UGGT2: variants seen among roughly 807,000 people sequenced by gnomAD.
UGGT2 encodes UDP-glucose:glycoprotein glucosyltransferase 2.
Under a neutral mutation model 192.1 loss-of-function variants are expected in UGGT2, and 180 were observed. That is an observed-to-expected ratio of 0.94 (90% CI 0.83 to 1.06). The LOEUF is 1.06. Ranked by LOEUF, UGGT2 falls within the 50% of genes least tolerant of loss-of-function variation. The probability of loss-of-function intolerance (pLI) is 0.00; values close to 1 mark genes in which losing one functional copy is unlikely to be tolerated. For synonymous variants in UGGT2, 580 were observed against 591.0 expected (o/e 0.98, Z 0.27); for missense variants, 1,849 against 1,795.7 (o/e 1.03, Z -0.54).
intron 22 of UGGT2, 81 bp downstream of exon 22, chr13:95,900,726 A>C: frequency 7.0e-7 from 1 of 1,423,224 alleles, no homozygotes; most frequent in Non-Finnish European, 9.4e-7. Flanking sequence ...CAGTCACATC[A>C]GGGGAATTGT....
At chr13:96,024,040 A>C (rs1360268327) in intron 2 of UGGT2, among the ~76,000 whole-genome samples, 2 of 152,184 alleles carry the variant, frequency 1.3e-5, no homozygotes, top group Non-Finnish European at 2.9e-5. Context: ...CTTACTCCAA[A>C]GTTGTGGGGT....
chr13:95,900,911 T>C lies in UGGT2; in HGVS notation c.2530A>G (p.Lys844Glu). Residue 844 changes from lysine to glutamate, a missense_variant, in exon 22 of 39, where the codon AAA (lysine) becomes GAA (glutamate). By Grantham distance (56) the Lys-to-Glu change is moderately conservative (BLOSUM62 1). Coordinates refer to ENST00000376747, the MANE Select transcript of UGGT2 (RefSeq NM_020121.4). ...EGMDKNAFEK[K>E]YNTVGVNIFR... ...ATATTCACTCCAACAGTATTATATT[T>C]TTTCTCAAAAGCATTCTTATCCATC... 6.2e-7 allele frequency: 1 copy of C among 1,600,424 alleles called. No individual in the cohort carries two copies. The highest frequency in any genetic ancestry group is 8.5e-7 in the Non-Finnish European group (1 of 1,175,204).
intron 28 of UGGT2, 32 bp from the exon 29 acceptor site, chr13:95,877,396 TA>T: frequency 6.5e-7 from 1 of 1,534,832 alleles, no homozygotes; most frequent in Non-Finnish European, 8.9e-7. Flanking sequence ...AATCATTGAG[TA>T]ATATGACTAA....
intron 20 of UGGT2, among the ~76,000 whole-genome samples, chr13:95,905,106 G>A (rs1181188027): frequency 1.3e-5 from 2 of 152,138 alleles, no homozygotes; most frequent in Non-Finnish European, 2.9e-5. Flanking sequence ...TTTGAGAAGT[G>A]TCTGTTCATG....
At chr13:95,939,127 G>A (rs915241900) in intron 16 of UGGT2, among the ~76,000 whole-genome samples, 9 of 152,188 alleles carry the variant, frequency 5.9e-5, no homozygotes, top group Admixed American at 3.9e-4. Flanking sequence ...TTATCTCCTC[G>A]ACTGTACCCT....
At chr13:95,941,452 C>T (rs894448980) in intron 15 of UGGT2, among the ~76,000 whole-genome samples, 2 of 152,104 alleles carry the variant, frequency 1.3e-5, no homozygotes, top group East Asian at 1.9e-4. Flanking sequence ...GGCAACTTTT[C>T]TCCTCCTATC....
chr13:96,005,627 A>G (rs2051949323), intron 5 of UGGT2, among the ~76,000 whole-genome samples: 1 of 152,212 alleles, frequency 6.6e-6, no homozygotes, highest in African/African-American at 2.4e-5. Flanking sequence ...TGAAGGAAGG[A>G]CGGGAATACC....
In UGGT2 at chr13:96,016,477, C is replaced by T. The variant is rs138057038; in HGVS notation, c.486-2996G>A. ...CAACTTGCATCCAGCTGCTCCAGTT[C>T]CAGCCTCGGCTCAAAGGGGCACAGG... On this transcript the variant is annotated intron_variant, in intron 4 of 38. Transcript: ENST00000376747. Among the ~76,000 whole-genome samples the T allele has an allele frequency of 1.1e-4, 16 of 152,328 alleles. No individual in the cohort carries two copies. The East Asian group carries it at 3.1e-3, about 29-fold the overall frequency.
chr13:95,824,373 C>G (rs906825796), intron 38 of UGGT2, among the ~76,000 whole-genome samples: 3 of 152,120 alleles, frequency 2.0e-5, no homozygotes, highest in African/African-American at 7.2e-5. Flanking sequence ...TCAATTATTC[C>G]CTCAAATAAG....
intron 1 of UGGT2, among the ~76,000 whole-genome samples, chr13:96,051,874 C>T (rs1315824986): frequency 6.6e-6 from 1 of 152,136 alleles, no homozygotes; most frequent in Non-Finnish European, 1.5e-5. Context: ...TTCTACACTG[C>T]TGGTGGGAAT....
At chr13:95,940,252 T>C (rs7333370) in intron 15 of UGGT2, among the ~76,000 whole-genome samples, 161 bp from the exon 16 acceptor site, 61,634 of 151,582 alleles carry the variant, frequency 0.41, 12,760 homozygotes, top group Middle Eastern at 0.46. Context: ...ATATCATCTT[T>C]TAATAAAGAT....
At chr13:95,960,560 A>G (rs906650542) in intron 12 of UGGT2, among the ~76,000 whole-genome samples, 3 of 152,228 alleles carry the variant, frequency 2.0e-5, no homozygotes, top group African/African-American at 2.4e-5. Context: ...GAGACACCAT[A>G]AAGTGACCAA....
chr13:95,900,452 TG>T, intron 22 of UGGT2, among the ~76,000 whole-genome samples: 1 of 152,172 alleles, frequency 6.6e-6, no homozygotes, highest in East Asian at 1.9e-4. Context: ...AGAAGAAAGA[TG>T]TCATAACCTA....
chr13:95,932,406 A>AC, intron 17 of UGGT2, among the ~76,000 whole-genome samples: 1 of 150,008 alleles, frequency 6.7e-6, no homozygotes, highest in African/African-American at 2.5e-5. Context: ...CTTGAATGTT[A>AC]TTGGTCTATA....
At position 95,821,926 on chromosome 13, in the gene UGGT2, T is replaced by G. The variant is rs917408203; in HGVS notation, c.4528+11001A>C. Among the ~76,000 whole-genome samples, 3 of 152,192 alleles carry G rather than the reference T, an allele frequency of 2.0e-5. No homozygotes were observed. In the East Asian group the frequency reaches 5.8e-4, roughly 29 times the overall value. On this transcript the variant is annotated intron_variant, in intron 38 of 38. Coordinates refer to ENST00000376747, the MANE Select transcript of UGGT2 (RefSeq NM_020121.4). ...CTGCTGTTCCATTGGTCTACATGCC[T>G]ATTTTTATACAAGCATCACACTGTT... is the stretch of plus-strand genomic sequence containing the variant.
chr13:95,995,935 C>A, intron 7 of UGGT2, 128 bp downstream of exon 7: 1 of 759,004 alleles, frequency 1.3e-6, no homozygotes, highest in East Asian at 2.7e-5. Flanking sequence ...TAAAAACAAT[C>A]GTATGTGTGT....
chr13:95,930,887 GGTGA>G (rs1442426896), intron 17 of UGGT2, among the ~76,000 whole-genome samples: 2 of 152,180 alleles, frequency 1.3e-5, no homozygotes, highest in Non-Finnish European at 2.9e-5. Flanking sequence ...AGACTTTTAT[GGTGA>G]GTGTTACAGC....
intron 1 of UGGT2, 94 bp from the exon 2 acceptor site, chr13:96,032,065 C>T (rs1438907649): frequency 1.4e-5 from 10 of 739,014 alleles, no homozygotes; most frequent in Non-Finnish European, 2.1e-5. Context: ...ATATCTATGG[C>T]AAAAACAAAA....
At chr13:95,969,160 A>T (rs114219633) in intron 12 of UGGT2, among the ~76,000 whole-genome samples, 217 of 152,314 alleles carry the variant, frequency 1.4e-3, no homozygotes, top group African/African-American at 4.8e-3. Context: ...ATCGTCTCTC[A>T]CAATCTTGAA....
Sources: gnomAD v4.1 joint callset for allele counts (sites outside exome capture counted in the v4.1 genomes callset) on GRCh38, gnomAD v4.1.1 for gene constraint, MANE v1.5 for transcripts, NCBI Gene and HGNC (gene_info 2026-07-23, HGNC 2026-07-21) for gene names.